The following ARHGAP28 variants were observed in gnomAD, a reference collection of about 807,000 sequenced individuals.
ARHGAP28 encodes the protein Rho GTPase activating protein 28, also known as rho GTPase-activating protein 28.
A neutral mutation model predicts 90.7 loss-of-function variants in ARHGAP28; 56 were observed. The observed-to-expected ratio is 0.62, with a 90% confidence interval of 0.50 to 0.77. ARHGAP28 has a LOEUF of 0.77. Ranked by LOEUF, ARHGAP28 falls within the 30% of genes least tolerant of loss-of-function variation. ARHGAP28 has a pLI of 0.00. For synonymous variants in ARHGAP28, 308 were observed against 323.3 expected, an observed-to-expected ratio of 0.95 and a Z score of 0.51; for missense variants, 869 against 900.9, an observed-to-expected ratio of 0.96 and a Z score of 0.45.
At chr18:6,743,677 G>A (rs2055998411) in intron 1 of ARHGAP28, among the ~76,000 whole-genome samples, 1 of 152,160 alleles carries the variant, frequency 6.6e-6, no homozygotes, top group Admixed American at 6.5e-5. Context: ...AGTGCAGCAT[G>A]GATAGATAAT....
In ARHGAP28 at chr18:6,914,008, C is replaced by A. The variant is rs1333014087; in HGVS notation, c.*1854C>A. 3 of 152,160 alleles carry A rather than the reference C, an allele frequency of 2.0e-5. No individual in the cohort carries two copies. Among genetic ancestry groups the A allele is most frequent in the Non-Finnish European group, 4.4e-5 (3 of 68,028 alleles). 9.4% of individuals were successfully genotyped at this position (152,160 alleles called of 1,614,324 possible). ...AGAAATTCTTCAAATAGCTACCTTA[C>A]ATTTCTGCGTATATATGAAAACTGA... On this transcript the variant is annotated 3_prime_UTR_variant, in exon 18 of 18. Coordinates refer to ENST00000383472, the MANE Select transcript of ARHGAP28 (RefSeq NM_001366230.1).
intron 10 of ARHGAP28, 88 bp downstream of exon 10, chr18:6,876,296 T>C (rs2057130664): frequency 5.0e-6 from 5 of 998,040 alleles, no homozygotes; most frequent in Non-Finnish European, 8.0e-6. Context: ...ATATTTGTTG[T>C]TGTTTATTAG....
chr18:6,730,514 C>G (rs1005053967), intron 1 of ARHGAP28, among the ~76,000 whole-genome samples: 5 of 152,168 alleles, frequency 3.3e-5, no homozygotes, highest in Admixed American at 3.3e-4. Context: ...TATTTGATTA[C>G]TGCTAATGTC....
At chr18:6,810,537 A>G (rs1398904840) in intron 1 of ARHGAP28, among the ~76,000 whole-genome samples, 3 of 152,032 alleles carry the variant, frequency 2.0e-5, no homozygotes, top group Non-Finnish European at 2.9e-5. Context: ...TCAAGCAATC[A>G]GCCCCCCTTG....
rs562898596 is a variant in ARHGAP28, at chr18:6,758,235, T to C, written c.122+28292T>C. ...ATAAAACCATCAGATGAGCAATGGG[T>C]GAGGGGCCGGGGAACTTGTTAAAAG... On this transcript the variant is annotated intron_variant, in intron 1 of 17. Coordinates refer to ENST00000383472, the MANE Select transcript of ARHGAP28 (RefSeq NM_001366230.1). 5.3e-5 allele frequency among the ~76,000 whole-genome samples: 8 copies of C among 152,156 alleles called. No individual in the cohort carries two copies. In the East Asian group the frequency reaches 9.6e-4, roughly 18 times the overall value.
chr18:6,859,461 T>G (rs1436100420), intron 4 of ARHGAP28, among the ~76,000 whole-genome samples: 1 of 152,190 alleles, frequency 6.6e-6, no homozygotes, highest in African/African-American at 2.4e-5. Context: ...AAAGTTTCAC[T>G]TACACCTTGT....
chr18:6,887,274 C>A (rs1466730151), intron 12 of ARHGAP28, 35 bp downstream of exon 12: 2 of 1,584,106 alleles, frequency 1.3e-6, no homozygotes, highest in East Asian at 2.2e-5. Context: ...TGTCCTGGGG[C>A]TCTTATTGCT....
chr18:6,759,514 C>A (rs1271530897), intron 1 of ARHGAP28, among the ~76,000 whole-genome samples: 2 of 152,082 alleles, frequency 1.3e-5, no homozygotes, highest in African/African-American at 4.8e-5. Flanking sequence ...ATGGTTGGTT[C>A]GTTTTAAAAT....
intron 7 of ARHGAP28, 80 bp downstream of exon 7, chr18:6,870,812 T>A (rs1268554634): frequency 5.0e-5 from 73 of 1,458,586 alleles, no homozygotes; most frequent in East Asian, 1.6e-4. Context: ...TTTCTTTTTT[T>A]TTTTTGAGAC....
At chr18:6,833,298 A>G (rs2056729266) in intron 2 of ARHGAP28, among the ~76,000 whole-genome samples, 1 of 151,968 alleles carries the variant, frequency 6.6e-6, no homozygotes, top group Non-Finnish European at 1.5e-5. Flanking sequence ...TAAAATTAAT[A>G]ATTATTTTTA....
In ARHGAP28 at chr18:6,870,711, GA is replaced by G; in HGVS notation, c.936del (p.Glu313LysfsTer5). The G allele has an allele frequency of 6.2e-7, 1 of 1,608,936 alleles. No homozygotes were observed. The highest frequency in any genetic ancestry group is 1.1e-5 in the South Asian group (1 of 90,154). On this transcript the variant is annotated frameshift_variant, in exon 7 of 18. Transcript: ENST00000383472. LOFTEE classifies it high-confidence loss of function. ...RNKLKKSEIK[K>X]EDYVLTKFNV... ...ATAAACTTAAGAAATCAGAGATTAAGAAAGAAGACTATGTTTTAACTGTAAG... is the reference window on the plus strand; with the variant it reads ...ATAAACTTAAGAAATCAGAGATTAAGAAGAAGACTATGTTTTAACTGTAAG...
At chr18:6,753,767 T>TAGCG (rs1179563546) in intron 1 of ARHGAP28, among the ~76,000 whole-genome samples, 1 of 152,232 alleles carries the variant, frequency 6.6e-6, no homozygotes, top group East Asian at 1.9e-4. Flanking sequence ...GATTCTCTAG[T>TAGCG]AGCGTTTCAT....
intron 4 of ARHGAP28, among the ~76,000 whole-genome samples, chr18:6,859,269 C>G (rs900009056): frequency 2.6e-5 from 4 of 151,994 alleles, no homozygotes; most frequent in Non-Finnish European, 1.5e-5. Flanking sequence ...GATGGGTGGC[C>G]CATGTCTGAT....
rs1297559582 is a variant in ARHGAP28, at chr18:6,841,173, TCTCTCTC to T, written c.543+3767_543+3773del. ...CTCTCCTCTTTCTCTCTCTCCTCTC[TCTCTCTC>T]CTCTCTCTCTCTCTCTCTCTCTCCT... On this transcript the variant is annotated intron_variant, in intron 3 of 17. Transcript: ENST00000383472. 2.2e-3 allele frequency among the ~76,000 whole-genome samples: 178 copies of T among 82,254 alleles called. 2 individuals are homozygous for T. Among genetic ancestry groups the T allele is most frequent in the African/African-American group, 9.3e-3 (153 of 16,470 alleles). The allele number at this position is 82,254 out of a possible 152,430, so 54.0% of individuals were successfully genotyped here.
At position 6,908,944 on chromosome 18, in the gene ARHGAP28, T is replaced by A. The variant is rs200134000; in HGVS notation, c.2031-16T>A. Reference sequence around the variant, plus strand: ...GAAAAAGTACTAAAATTATATTATTTTCTCATTTTTTTCAGTCATGGTTCA... The same window carrying A: ...GAAAAAGTACTAAAATTATATTATTATCTCATTTTTTTCAGTCATGGTTCA... On this transcript the variant is annotated splice_polypyrimidine_tract_variant and intron_variant, in intron 16 of 17. Coordinates refer to ENST00000383472, the MANE Select transcript of ARHGAP28 (RefSeq NM_001366230.1). The A allele has an allele frequency of 7.0e-7, 1 of 1,438,772 alleles. No individual in the cohort carries two copies. Among genetic ancestry groups the A allele is most frequent in the East Asian group, 2.3e-5 (1 of 43,854 alleles). 89.1% of individuals were successfully genotyped at this position (1,438,772 alleles called of 1,614,324 possible).
At chr18:6,887,712 C>T (rs904263110) in intron 12 of ARHGAP28, among the ~76,000 whole-genome samples, 2 of 152,178 alleles carry the variant, frequency 1.3e-5, no homozygotes, top group African/African-American at 4.8e-5. Flanking sequence ...TGTGAGCCAC[C>T]ACGCCCGGGC....
intron 2 of ARHGAP28, among the ~76,000 whole-genome samples, chr18:6,827,645 C>A (rs1256218414): frequency 2.7e-5 from 4 of 149,448 alleles, no homozygotes; most frequent in Non-Finnish European, 6.0e-5. Flanking sequence ...GGGCTGACCC[C>A]CCCCCCACCT....
chr18:6,814,934 T>C (rs895154850), intron 1 of ARHGAP28, among the ~76,000 whole-genome samples: 1 of 152,112 alleles, frequency 6.6e-6, no homozygotes, highest in Admixed American at 6.5e-5. Context: ...CAGAAAAAGC[T>C]TCTTTTTGCT....
chr18:6,772,455 G>A (rs1336614917), intron 1 of ARHGAP28, among the ~76,000 whole-genome samples: 4 of 152,214 alleles, frequency 2.6e-5, no homozygotes, highest in Non-Finnish European at 5.9e-5. Context: ...TAGTGCAAAA[G>A]TGACATGTGT....
Sources: gnomAD v4.1 joint callset for allele counts (sites outside exome capture counted in the v4.1 genomes callset) on GRCh38, gnomAD v4.1.1 for gene constraint, MANE v1.5 for transcripts, NCBI Gene and HGNC (gene_info 2026-07-23, HGNC 2026-07-21) for gene names.